EDNRB: variants seen among roughly 807,000 people sequenced by gnomAD.
EDNRB encodes endothelin receptor type B.
EDNRB carries 18 observed loss-of-function variants against 46.4 expected under a neutral mutation model. The ratio of observed to expected loss-of-function variants is 0.39; its 90% confidence interval spans 0.27 to 0.57. The LOEUF (loss-of-function observed/expected upper bound fraction) is 0.57, where lower values mean the gene tolerates loss of function less well. Ranked by LOEUF, EDNRB falls within the 20% of genes least tolerant of loss-of-function variation. The probability of loss-of-function intolerance (pLI) is 0.61; values close to 1 mark genes in which losing one functional copy is unlikely to be tolerated. For missense variants in EDNRB, 434 were observed against 537.5 expected, an observed-to-expected ratio of 0.81 and a Z score of 1.90; for synonymous variants, 213 against 204.9, an observed-to-expected ratio of 1.04 and a Z score of -0.34.
At chr13:77,928,634 G>T (rs1020151794) in intron 1 of EDNRB, among the ~76,000 whole-genome samples, 7 of 152,104 alleles carry the variant, frequency 4.6e-5, no homozygotes, top group Non-Finnish European at 1.0e-4. Context: ...CAATGAATTT[G>T]CCAGAAAAAT....
At chr13:77,954,484 ATTTATT>A (rs1881177637) in intron 1 of EDNRB, among the ~76,000 whole-genome samples, 1 of 99,616 alleles carries the variant, frequency 1.0e-5, no homozygotes, top group Non-Finnish European at 2.1e-5. Context: ...GAAAGTATTT[ATTTATT>A]TATTTATTTA....
chr13:77,925,936 C>A (rs1180421820), intron 1 of EDNRB, among the ~76,000 whole-genome samples: 1 of 152,240 alleles, frequency 6.6e-6, no homozygotes, highest in African/African-American at 2.4e-5. Context: ...CCATGGGAAC[C>A]CACCTCTTGC....
chr13:77,945,199 C>T (rs1880870614), intron 1 of EDNRB, among the ~76,000 whole-genome samples: 1 of 152,050 alleles, frequency 6.6e-6, no homozygotes, highest in Non-Finnish European at 1.5e-5. Flanking sequence ...TTTGGTACTG[C>T]TGATTTTATT....
chr13:77,910,595 A>G (rs1311127717), intron 1 of EDNRB, among the ~76,000 whole-genome samples: 2 of 152,064 alleles, frequency 1.3e-5, no homozygotes, highest in African/African-American at 4.8e-5. Flanking sequence ...AAGGACAAAT[A>G]TAAATTACAA....
At chr13:77,934,341 T>C (rs1275676499) in intron 1 of EDNRB, among the ~76,000 whole-genome samples, 1 of 152,174 alleles carries the variant, frequency 6.6e-6, no homozygotes, top group Non-Finnish European at 1.5e-5. Context: ...AGACCTTTAG[T>C]CCGTTCTACT....
chr13:77,946,948 G>A (rs2137670431), intron 1 of EDNRB, among the ~76,000 whole-genome samples: 1 of 152,300 alleles, frequency 6.6e-6, no homozygotes, highest in East Asian at 1.9e-4. Flanking sequence ...GTATTTACTT[G>A]AGAAAAATTT....
chr13:77,956,857 C>A (rs1346164593), intron 1 of EDNRB, among the ~76,000 whole-genome samples: 1 of 152,158 alleles, frequency 6.6e-6, no homozygotes, highest in Non-Finnish European at 1.5e-5. Flanking sequence ...TGTCTTCTGC[C>A]TATCTTCTTC....
upstream of EDNRB, chr13:77,919,631 A>C: frequency 6.3e-7 from 1 of 1,585,418 alleles, no homozygotes; most frequent in Non-Finnish European, 8.6e-7. Context: ...CCTTCCCATC[A>C]ATCACCGCCA....
At chr13:77,949,920 A>T (rs1054859287) in intron 1 of EDNRB, among the ~76,000 whole-genome samples, 1 of 152,142 alleles carries the variant, frequency 6.6e-6, no homozygotes, top group Non-Finnish European at 1.5e-5. Flanking sequence ...CCAAAGAGTG[A>T]CCATATAACC....
Position 77,897,560 on chromosome 13 carries a change from A to G in EDNRB, c.*640T>C, listed in dbSNP as rs200276447. On this transcript the variant is annotated 3_prime_UTR_variant, in exon 7 of 7. Transcript: ENST00000646607. ...GTGACATGTTGGTTACATATTGCAGAATGCTGAGGTTTGGGCTTCTAGTGA... is the reference window on the plus strand; with the variant it reads ...GTGACATGTTGGTTACATATTGCAGGATGCTGAGGTTTGGGCTTCTAGTGA... 1.0e-6 allele frequency: 1 copy of G among 985,084 alleles called. No homozygotes were observed. The highest frequency in any genetic ancestry group is 1.2e-6 in the Non-Finnish European group (1 of 829,754). The allele number at this position is 985,084 out of a possible 1,614,324, so 61.0% of individuals were successfully genotyped here.
At chr13:77,911,683 C>T (rs544140431) in intron 1 of EDNRB, among the ~76,000 whole-genome samples, 10 of 152,184 alleles carry the variant, frequency 6.6e-5, no homozygotes, top group African/African-American at 2.4e-4. Flanking sequence ...CTCCCTCTCT[C>T]CCATCCACCA....
intron 1 of EDNRB, among the ~76,000 whole-genome samples, chr13:77,966,322 C>G (rs866714035): frequency 6.6e-6 from 1 of 152,142 alleles, no homozygotes; most frequent in Non-Finnish European, 1.5e-5. Flanking sequence ...CCTGTGCCCC[C>G]ACAAAAGCAT....
upstream of EDNRB, chr13:77,919,221 C>G (rs1209849211): frequency 4.3e-6 from 3 of 695,256 alleles, no homozygotes; most frequent in Middle Eastern, 4.2e-4. Context: ...AACCGCTGTT[C>G]CCTCCAAACG....
At chr13:77,940,203 C>G (rs1372072587) in intron 1 of EDNRB, among the ~76,000 whole-genome samples, 1 of 151,706 alleles carries the variant, frequency 6.6e-6, no homozygotes, top group Non-Finnish European at 1.5e-5. Flanking sequence ...GTTGAATGAA[C>G]AAAGAGGAAT....
chr13:77,918,856 A>T, upstream of EDNRB: 1 of 1,288,614 alleles, frequency 7.8e-7, no homozygotes, highest in Non-Finnish European at 9.8e-7. The surrounding 1 kb of genome is among the most constrained non-coding windows in gnomAD (Gnocchi z 4.5). Context: ...GGAGGGGTAA[A>T]TAATATGCAG....
chr13:77,900,519 A>T lies in EDNRB; in HGVS notation c.1085+2T>A, dbSNP rs747204572. The T allele has an allele frequency of 6.2e-7, 1 of 1,612,298 alleles. No individual in the cohort carries two copies. Among genetic ancestry groups the T allele is most frequent in the Non-Finnish European group, 8.5e-7 (1 of 1,178,846 alleles). On this transcript the variant is annotated splice_donor_variant, in intron 5 of 6. Transcript: ENST00000646607. LOFTEE classifies it high-confidence loss of function. ...AAACCATTTCTAGTTTGCCTTTCTT[A>T]CCTCAAAAGTTCACATCTATTGGGA...
chr13:77,965,091 C>T (rs1029181420), intron 1 of EDNRB, among the ~76,000 whole-genome samples: 2 of 152,168 alleles, frequency 1.3e-5, no homozygotes, highest in Non-Finnish European at 2.9e-5. Context: ...CTGGTAAAAG[C>T]TATGAACCTG....
rs140036291 is a variant in EDNRB at position 77,913,344 on chromosome 13, T to C, written c.483+4747A>G. On this transcript the variant is annotated intron_variant, in intron 1 of 6. Transcript: ENST00000646607. ...ATGAATGCAGCCTCTTTGCCTCTAA[T>C]AGTAGCCTACAGTTCTTAACTGTAA... Among the ~76,000 whole-genome samples, 701 of 152,260 alleles carry C rather than the reference T, an allele frequency of 4.6e-3. 5 individuals carry two copies. Among genetic ancestry groups the C allele is most frequent in the African/African-American group, 0.016 (669 of 41,554 alleles).
chr13:77,927,927 C>G (rs1183574411), intron 1 of EDNRB, among the ~76,000 whole-genome samples: 1 of 152,106 alleles, frequency 6.6e-6, no homozygotes, highest in Non-Finnish European at 1.5e-5. Context: ...ATGAATAAGT[C>G]TCATGAGATC....
Sources: gnomAD v4.1 joint callset for allele counts (sites outside exome capture counted in the v4.1 genomes callset) on GRCh38, gnomAD v4.1.1 for gene constraint, Gnocchi (gnomAD v3.1) non-coding constraint, MANE v1.5 for transcripts, NCBI Gene and HGNC (gene_info 2026-07-23, HGNC 2026-07-21) for gene names.